The following ATRNL1 variants were observed in gnomAD, a reference collection of about 807,000 sequenced individuals.
ATRNL1 encodes the protein attractin-like protein 1.
ATRNL1 carries 95 observed loss-of-function variants against 182.7 expected under a neutral mutation model. The ratio of observed to expected loss-of-function variants is 0.52; its 90% CI spans 0.44 to 0.62. The LOEUF is 0.62. ATRNL1 is among the 20% of genes least tolerant of loss of function. The pLI, the probability that ATRNL1 is intolerant of heterozygous loss-of-function variation, is 0.00. For synonymous variants in ATRNL1, 576 were observed against 568.3 expected, an observed-to-expected ratio of 1.01 and a Z score of -0.19; for missense variants, 1,471 against 1,679.5, an observed-to-expected ratio of 0.88 and a Z score of 2.17.
At chr10:115,690,368 A>G (rs1372186241) in intron 26 of ATRNL1, among the ~76,000 whole-genome samples, 2 of 152,132 alleles carry the variant, frequency 1.3e-5, no homozygotes, top group Non-Finnish European at 2.9e-5. Context: ...TAAGGAGCAC[A>G]CAACCTGGAT....
intron 20 of ATRNL1, among the ~76,000 whole-genome samples, chr10:115,415,668 C>A (rs1845355005): frequency 1.3e-5 from 2 of 151,852 alleles, no homozygotes; most frequent in Admixed American, 1.3e-4. Flanking sequence ...TAATTAACAT[C>A]CTTTTTTTAC....
At chr10:115,858,373 G>C (rs2134384828) in intron 28 of ATRNL1, among the ~76,000 whole-genome samples, 1 of 152,250 alleles carries the variant, frequency 6.6e-6, no homozygotes, top group Admixed American at 6.5e-5. Context: ...AAAGGAATGA[G>C]ATCATGTCCT....
chr10:115,856,557 G>A (rs1365760798), intron 28 of ATRNL1, among the ~76,000 whole-genome samples: 2 of 152,054 alleles, frequency 1.3e-5, no homozygotes, highest in East Asian at 3.9e-4. Context: ...CCAGGGACGG[G>A]TTTCGTGGAA....
intron 19 of ATRNL1, among the ~76,000 whole-genome samples, chr10:115,363,063 AT>A (rs1400891777): frequency 7.3e-6 from 1 of 136,858 alleles, no homozygotes; most frequent in Non-Finnish European, 1.6e-5. Flanking sequence ...GTCAAATGGT[AT>A]TTCTAGTTCT....
intron 19 of ATRNL1, among the ~76,000 whole-genome samples, chr10:115,336,637 C>A (rs1554936782): frequency 1.3e-5 from 2 of 152,176 alleles, no homozygotes; most frequent in East Asian, 3.9e-4. Context: ...TTTTATTTTA[C>A]TTTTATGAAA....
intron 20 of ATRNL1, among the ~76,000 whole-genome samples, chr10:115,425,438 C>T (rs551993748): frequency 2.1e-4 from 32 of 151,870 alleles, no homozygotes; most frequent in East Asian, 7.7e-4. Context: ...TTTTGGAGGA[C>T]GTTCCAAGAA....
intron 10 of ATRNL1, among the ~76,000 whole-genome samples, chr10:115,261,768 C>T (rs1156662195): frequency 6.6e-6 from 1 of 151,972 alleles, no homozygotes; most frequent in African/African-American, 2.4e-5. Context: ...GTGGTGTGCA[C>T]CTATAATTCC....
At chr10:115,589,767 T>C (rs1855794036) in intron 26 of ATRNL1, among the ~76,000 whole-genome samples, 1 of 152,174 alleles carries the variant, frequency 6.6e-6, no homozygotes, top group South Asian at 2.1e-4. Flanking sequence ...ACATAATTTT[T>C]CCCAAAAGTC....
intron 28 of ATRNL1, among the ~76,000 whole-genome samples, chr10:115,885,765 T>C (rs1555109624): frequency 6.6e-6 from 1 of 152,224 alleles, no homozygotes; most frequent in African/African-American, 2.4e-5. Flanking sequence ...TGAAGTATTA[T>C]TGTCTTTTAT....
chr10:115,598,690 A>G (rs1295399375), intron 26 of ATRNL1, among the ~76,000 whole-genome samples: 1 of 152,146 alleles, frequency 6.6e-6, no homozygotes, highest in Non-Finnish European at 1.5e-5. Flanking sequence ...ATTCTTTATA[A>G]AAGTAACTAT....
At chr10:115,303,113 AC>A (rs1853557955) in intron 17 of ATRNL1, among the ~76,000 whole-genome samples, 1 of 104,366 alleles carries the variant, frequency 9.6e-6, no homozygotes. Context: ...ATTAATCCAG[AC>A]TTTATGTCCT....
chr10:115,881,032 T>A (rs1267649297), intron 28 of ATRNL1, among the ~76,000 whole-genome samples: 1 of 152,210 alleles, frequency 6.6e-6, no homozygotes, highest in Non-Finnish European at 1.5e-5. Flanking sequence ...TGGTACCTAC[T>A]GTATTTTTGT....
At chr10:115,872,486 A>C (rs1951607289) in intron 28 of ATRNL1, among the ~76,000 whole-genome samples, 1 of 152,202 alleles carries the variant, frequency 6.6e-6, no homozygotes, top group Non-Finnish European at 1.5e-5. Flanking sequence ...TCAAGTCAAA[A>C]TTCAAACGGA....
intron 27 of ATRNL1, among the ~76,000 whole-genome samples, chr10:115,744,170 A>C (rs1948223470): frequency 6.6e-6 from 1 of 152,132 alleles, no homozygotes; most frequent in Non-Finnish European, 1.5e-5. Flanking sequence ...GGAATTTTAG[A>C]AATTTTTAGA....
At chr10:115,291,645 T>C (rs1475394756) in intron 15 of ATRNL1, among the ~76,000 whole-genome samples, 1 of 152,120 alleles carries the variant, frequency 6.6e-6, no homozygotes, top group African/African-American at 2.4e-5. Flanking sequence ...CTTCTATCGA[T>C]GTGATATTTG....
intron 9 of ATRNL1, among the ~76,000 whole-genome samples, chr10:115,237,930 A>G (rs1392335374): frequency 1.3e-5 from 2 of 152,176 alleles, no homozygotes; most frequent in African/African-American, 2.4e-5. Context: ...CTGTATCTAG[A>G]TGATTATTTC....
intron 28 of ATRNL1, among the ~76,000 whole-genome samples, chr10:115,882,599 GCCTTCCAGACT>G (rs1555108883): frequency 2.0e-5 from 3 of 152,132 alleles, no homozygotes; most frequent in African/African-American, 7.2e-5. Context: ...TCTCTATGAA[GCCTTCCAGACT>G]CCTTGTAGGC....
intron 26 of ATRNL1, among the ~76,000 whole-genome samples, chr10:115,679,658 C>G (rs1555044064): frequency 6.6e-6 from 1 of 151,996 alleles, no homozygotes; most frequent in African/African-American, 2.4e-5. Context: ...ATAGTGAGCT[C>G]AACAATTGTA....
intron 5 of ATRNL1, among the ~76,000 whole-genome samples, chr10:115,152,651 C>T: frequency 6.6e-6 from 1 of 152,170 alleles, no homozygotes; most frequent in East Asian, 1.9e-4. Context: ...ACAATCATGT[C>T]ATCTGCAAAC....
Sources: allele counts gnomAD v4.1 joint callset (sites outside exome capture counted in the v4.1 genomes callset), GRCh38; gene constraint gnomAD v4.1.1; transcripts MANE v1.5; gene names NCBI Gene and HGNC (gene_info 2026-07-23, HGNC 2026-07-21).